Variants in PDE2A observed in about 807,000 individuals in gnomAD.
PDE2A encodes the protein cGMP-dependent 3',5'-cyclic phosphodiesterase.
In PDE2A, 53 loss-of-function variants were observed where a neutral mutation model predicts 133.6. The ratio of observed to expected loss-of-function variants is 0.40; its 90% CI spans 0.32 to 0.50. PDE2A has a LOEUF of 0.50. PDE2A is among the 20% of genes least tolerant of loss of function. PDE2A has a pLI of 0.73. For synonymous variants in PDE2A, 491 were observed against 490.2 expected (o/e 1.00, Z -0.02); for missense variants, 796 against 1,232.4 (o/e 0.65, Z 5.30).
At chr11:72,658,268 A>C (rs556573511) in intron 1 of PDE2A, 4 of 375,334 alleles carry the variant, frequency 1.1e-5, no homozygotes, top group Non-Finnish European at 2.1e-5. Context: ...TCCTCCTCCC[A>C]CCCCAGGTTA....
chr11:72,598,238 C>T (rs1248283271), intron 4 of PDE2A, among the ~76,000 whole-genome samples: 2 of 152,178 alleles, frequency 1.3e-5, no homozygotes, highest in Non-Finnish European at 2.9e-5. Flanking sequence ...CAGGGTTACA[C>T]AGTGAATAAG....
intron 19 of PDE2A, among the ~76,000 whole-genome samples, 159 bp downstream of exon 19, chr11:72,584,042 G>A (rs964921597): frequency 3.9e-5 from 6 of 152,230 alleles, no homozygotes; most frequent in Non-Finnish European, 8.8e-5. Context: ...GCCCAGAGGT[G>A]GCCAGCGTGT....
chr11:72,595,616 A>G (rs1474387383), intron 6 of PDE2A, among the ~76,000 whole-genome samples: 1 of 150,918 alleles, frequency 6.6e-6, no homozygotes, highest in Non-Finnish European at 1.5e-5. Flanking sequence ...GTTTAATTCC[A>G]TTTTAATGAG....
intron 1 of PDE2A, among the ~76,000 whole-genome samples, chr11:72,660,421 T>C (rs1374753787): frequency 1.3e-5 from 2 of 152,124 alleles, no homozygotes; most frequent in South Asian, 2.1e-4. Flanking sequence ...AAGTGCCAGT[T>C]AGCAAGGACT....
chr11:72,661,198 G>A (rs910177675), intron 1 of PDE2A, among the ~76,000 whole-genome samples: 3 of 152,090 alleles, frequency 2.0e-5, no homozygotes, highest in Non-Finnish European at 2.9e-5. Flanking sequence ...CCAGCTACTC[G>A]GGAGGCTGAG....
At chr11:72,600,708 C>T (rs1330729883) in intron 4 of PDE2A, among the ~76,000 whole-genome samples, 1 of 152,132 alleles carries the variant, frequency 6.6e-6, no homozygotes, top group Non-Finnish European at 1.5e-5. Flanking sequence ...TACTACCCCA[C>T]CCCCACCCTG....
intron 2 of PDE2A, among the ~76,000 whole-genome samples, chr11:72,619,825 A>G (rs1857665065): frequency 6.6e-6 from 1 of 152,008 alleles, no homozygotes; most frequent in Non-Finnish European, 1.5e-5. Flanking sequence ...CCTGCCACAC[A>G]CCACATGTAC....
intron 2 of PDE2A, among the ~76,000 whole-genome samples, chr11:72,632,494 G>A (rs1462274715): frequency 2.6e-5 from 4 of 152,102 alleles, no homozygotes; most frequent in Non-Finnish European, 5.9e-5. Context: ...GGTGTGGCAG[G>A]GTCACCCATG....
intron 6 of PDE2A, 74 bp from the exon 7 acceptor site, chr11:72,591,430 C>T (rs1297459459): frequency 4.0e-5 from 45 of 1,119,274 alleles, no homozygotes; most frequent in Middle Eastern, 3.9e-4. Context: ...CCTCCCCATG[C>T]GCAGCACACA....
In PDE2A at chr11:72,596,653, G is replaced by C. The variant is rs754637994; in HGVS notation, c.434-5C>G. 5 of 1,460,210 alleles carry C rather than the reference G, an allele frequency of 3.4e-6. No individual in the cohort carries two copies. Among genetic ancestry groups the C allele is most frequent in the African/African-American group, 2.9e-5 (2 of 69,620 alleles). The allele number at this position is 1,460,210 out of a possible 1,614,324, so 90.5% of individuals were successfully genotyped here. A position where few individuals can be genotyped will look rare whatever the true frequency, so the allele number is the denominator to read the frequency against. ...CCGCTAGCGGCATGACCAGCACTGA[G>C]GGGGAGAGGGCAATGAGGTGCTCCT... On this transcript the variant is annotated splice_polypyrimidine_tract_variant and splice_region_variant and intron_variant, in intron 5 of 30. Transcript: ENST00000334456.
At position 72,590,170 on chromosome 11, in the gene PDE2A, C is replaced by T. The variant is rs773346608; in HGVS notation, c.756+22G>A. 19 of 1,541,550 alleles carry T rather than the reference C, an allele frequency of 1.2e-5. No homozygotes were observed. The highest frequency in any genetic ancestry group is 1.7e-5 in the Non-Finnish European group (19 of 1,139,094). ...GAGGGAGACAGGACGGGGAGGTGGC[C>T]GGCAGGGGCGCAGGGACTCACGTAT... On this transcript the variant is annotated intron_variant, in intron 9 of 30. Coordinates refer to ENST00000334456, the MANE Select transcript of PDE2A (RefSeq NM_002599.5). This position sits in a 1 kb window ranked among gnomAD's most constrained non-coding sequence, Gnocchi z 4.8.
intron 2 of PDE2A, among the ~76,000 whole-genome samples, chr11:72,641,544 T>C (rs1418722150): frequency 6.6e-6 from 1 of 151,804 alleles, no homozygotes; most frequent in Non-Finnish European, 1.5e-5. Context: ...CAGAAATACT[T>C]GAAGAGAAAC....
At chr11:72,621,758 C>G (rs1375811579) in intron 2 of PDE2A, 3 of 152,180 alleles carry the variant, frequency 2.0e-5, no homozygotes, top group African/African-American at 7.2e-5. Flanking sequence ...CCTTAAAAAA[C>G]AAAAATCCAA....
At chr11:72,598,093 T>C (rs1399012358) in intron 4 of PDE2A, among the ~76,000 whole-genome samples, 1 of 152,240 alleles carries the variant, frequency 6.6e-6, no homozygotes, top group African/African-American at 2.4e-5. Context: ...TAAAGTTTAT[T>C]GGCCATTTCC....
intron 2 of PDE2A, among the ~76,000 whole-genome samples, chr11:72,624,266 A>T (rs1322932903): frequency 6.6e-6 from 1 of 152,184 alleles, no homozygotes; most frequent in Non-Finnish European, 1.5e-5. Context: ...TATAGGTGTG[A>T]GCCACTGCAT....
chr11:72,579,500 C>G, intron 26 of PDE2A, 34 bp downstream of exon 26: 1 of 1,570,916 alleles, frequency 6.4e-7, no homozygotes, highest in South Asian at 1.2e-5. Flanking sequence ...TCCCAGCTCC[C>G]CCTCAATCCC....
intron 2 of PDE2A, chr11:72,614,976 C>T: frequency 2.7e-6 from 1 of 373,252 alleles, no homozygotes; most frequent in South Asian, 1.9e-5. Flanking sequence ...TTCTCTTCCT[C>T]CCCTCCCTCC....
Position 72,581,915 on chromosome 11 carries a change from G to A in PDE2A, c.1884C>T (p.Phe628=). The A allele has an allele frequency of 6.2e-7, 1 of 1,614,076 alleles. No individual in the cohort carries two copies. The highest frequency in any genetic ancestry group is 8.5e-7 in the Non-Finnish European group (1 of 1,179,998). ...GGCAGTCAATTTTGTAGTTGTTGAT[G>A]AAATTCATGTCCTGCAGCATGCTCA... The part of the protein sequence containing the change: ...AILSMLQDMN[F]INNYKIDCPT... The change falls in exon 22 of 31, where the codon TTC becomes TTT. Residue 628 remains phenylalanine, a synonymous_variant. Coordinates refer to ENST00000334456, the MANE Select transcript of PDE2A (RefSeq NM_002599.5).
rs1855929985 is a variant in PDE2A at position 72,585,558 on chromosome 11, G to A, written c.1218C>T (p.His406=). Residue 406 remains histidine, a synonymous_variant, in exon 15 of 31, where the codon CAC becomes CAT. Transcript: ENST00000334456. ...CAGAGAGAACAGTGCACTCACCCAG[G>A]TGGGTGAAGAGGTTCTTTGCCACTT... ...LLQVAKNLFT[H]LDDVSVLLQE... The A allele has an allele frequency of 1.9e-6, 3 of 1,613,208 alleles. No homozygotes were observed. The highest frequency in any genetic ancestry group is 4.5e-5 in the East Asian group (2 of 44,888).
Sources: gnomAD v4.1 joint callset for allele counts (sites outside exome capture counted in the v4.1 genomes callset) on GRCh38, gnomAD v4.1.1 for gene constraint, Gnocchi (gnomAD v3.1) non-coding constraint, MANE v1.5 for transcripts, NCBI Gene and HGNC (gene_info 2026-07-23, HGNC 2026-07-21) for gene names.